The following ARMCX4 variants were observed in gnomAD, a reference collection of about 807,000 sequenced individuals.
ARMCX4 encodes armadillo repeat-containing X-linked protein 4.
ARMCX4 carries 3 observed loss-of-function variants against 34.7 expected under a neutral mutation model. The ratio of observed to expected loss-of-function variants is 0.09; its 90% CI spans 0.04 to 0.22. The LOEUF (loss-of-function observed/expected upper bound fraction) is 0.22, where lower values mean the gene tolerates loss of function less well. ARMCX4 is among the 10% of genes least tolerant of loss of function. ARMCX4 has a pLI of 1.00. For missense variants in ARMCX4, 1,448 were observed against 1,720.8 expected (o/e 0.84, Z 2.81); for synonymous variants, 513 against 632.8 (o/e 0.81, Z 2.84).
rs782065509 is a variant in ARMCX4 at position 101,530,761 on chromosome X, G to A, written c.*1781-883G>A. Among the ~76,000 whole-genome samples, 82 of 111,938 alleles carry A rather than the reference G, an allele frequency of 7.3e-4. 1 individual carries two copies. Among genetic ancestry groups the A allele is most frequent in the African/African-American group, 2.6e-3 (81 of 30,867 alleles). On this transcript the variant is annotated intron_variant and NMD_transcript_variant, in intron 11 of 12. Coordinates refer to the ARMCX4 transcript ENST00000354842. Reference sequence around the variant, plus strand: ...TGAAGGATAGCAAACATAATTTGTTGCCAGTAGACATGCTGTACCAGAAAT... The same window carrying A: ...TGAAGGATAGCAAACATAATTTGTTACCAGTAGACATGCTGTACCAGAAAT...
At chrX:101,486,779 T>G (rs909474791) in intron 2 of ARMCX4, among the ~76,000 whole-genome samples, 1 of 109,366 alleles carries the variant, frequency 9.1e-6, no homozygotes, top group African/African-American at 3.3e-5. Context: ...AATTTAAAAA[T>G]TAGCTGGGTA....
At chrX:101,454,839 G>A (rs1180203726) in intron 4 of ARMCX4, among the ~76,000 whole-genome samples, 1 of 111,318 alleles carries the variant, frequency 9.0e-6, no homozygotes, top group Non-Finnish European at 1.9e-5. Context: ...CAGCATGGTT[G>A]GGCTCTGGTG....
At chrX:101,505,149 C>T (rs955933898) in exon 8 of ARMCX4, 2 of 110,894 alleles carry the variant, frequency 1.8e-5, no homozygotes, top group African/African-American at 6.6e-5. Context: ...TGAATGCAGT[C>T]TCTTTGGAGT....
At chrX:101,448,710 A>G (rs1931793047), downstream of ARMCX4, among the ~76,000 whole-genome samples, 1 of 110,376 alleles carries the variant, frequency 9.1e-6, no homozygotes, top group Admixed American at 9.7e-5. Context: ...CTCCTGCCTC[A>G]GCCTCCCAAG....
chrX:101,501,349 G>A (rs1456936699), intron 7 of ARMCX4, among the ~76,000 whole-genome samples: 7 of 113,044 alleles, frequency 6.2e-5, no homozygotes. Context: ...AGCCCGGGAG[G>A]GTTCTTGGCT....
At chrX:101,488,143 G>T in intron 5 of ARMCX4, 44 bp downstream of exon 5, 1 of 546,445 alleles carries the variant, frequency 1.8e-6, no homozygotes, top group Non-Finnish European at 2.6e-6. Context: ...ACCAGAGTAG[G>T]TCCAGTAGAA....
intron 2 of ARMCX4, among the ~76,000 whole-genome samples, chrX:101,432,828 G>A (rs1369420383): frequency 3.0e-5 from 3 of 99,358 alleles, no homozygotes; most frequent in South Asian, 8.4e-4. Flanking sequence ...ATGTATATAC[G>A]TGTATATATG....
intron 2 of ARMCX4, among the ~76,000 whole-genome samples, chrX:101,437,196 A>T (rs1468401000): frequency 4.5e-5 from 5 of 111,756 alleles, no homozygotes; most frequent in African/African-American, 1.6e-4. Flanking sequence ...TTTTCTACTG[A>T]TTGGAATAGT....
At chrX:101,504,324 A>G (rs1369704099) in intron 7 of ARMCX4, among the ~76,000 whole-genome samples, 1 of 111,611 alleles carries the variant, frequency 9.0e-6, no homozygotes, top group Non-Finnish European at 1.9e-5. Flanking sequence ...TTCTGTGAAG[A>G]AAGTCATTGG....
At chrX:101,507,674 G>A (rs1934484447) in intron 8 of ARMCX4, among the ~76,000 whole-genome samples, 1 of 111,789 alleles carries the variant, frequency 8.9e-6, no homozygotes, top group Admixed American at 9.6e-5. Flanking sequence ...ATGAGAAAGA[G>A]TGTATAGTAT....
chrX:101,450,519 G>A (rs1931920205), downstream of ARMCX4, among the ~76,000 whole-genome samples: 1 of 111,727 alleles, frequency 9.0e-6, no homozygotes, highest in Non-Finnish European at 1.9e-5. Flanking sequence ...ATGAGGCAAG[G>A]CCTGGAATCA....
At position 101,488,436 on chromosome X, in the gene ARMCX4, A is replaced by G. The variant is rs899259632; in HGVS notation, c.-146-8A>G. 9.1e-7 allele frequency: 1 copy of G among 1,094,651 alleles called. No homozygotes were observed. Among genetic ancestry groups the G allele is most frequent in the East Asian group, 3.3e-5 (1 of 30,251 alleles). 90.2% of individuals were successfully genotyped at this position (1,094,651 alleles called of 1,213,427 possible). On this transcript the variant is annotated splice_polypyrimidine_tract_variant and splice_region_variant and intron_variant, in intron 5 of 5. Coordinates refer to ENST00000423738, the MANE Select transcript of ARMCX4 (RefSeq NM_001256155.3). ...AAATTTTAGTCCATTTCCTTCCTCC[A>G]CTTCTAGGTCCACCTCCAGAGGCAG...
At chrX:101,467,754 G>A (rs1556002243) in intron 4 of ARMCX4, among the ~76,000 whole-genome samples, 1 of 111,806 alleles carries the variant, frequency 8.9e-6, no homozygotes, top group African/African-American at 3.2e-5. Flanking sequence ...CTAGAAGGAA[G>A]CACTTTCCCT....
chrX:101,494,187 G>C lies in ARMCX4; in HGVS notation c.5598G>C (p.Gly1866=), dbSNP rs782461319. Residue 1866 remains glycine, a synonymous_variant, in exon 6 of 6, where the codon GGG becomes GGC. Transcript: ENST00000423738. The part of the protein sequence containing the change: ...GDATTVESRL[G]AGEEAGVESW... ...CAACCACTGTAGAGTCTAGGCTTGG[G>C]GCTGGGGAAGAGGCTGGTGTAGAGT... 9.3e-5 allele frequency: 107 copies of C among 1,146,111 alleles called. 1 individual carries two copies. The African/African-American group carries it at 1.6e-3, about 17-fold the overall frequency. 94.5% of individuals were successfully genotyped at this position (1,146,111 alleles called of 1,213,427 possible).
At chrX:101,439,705 T>A (rs5951262) in intron 2 of ARMCX4, among the ~76,000 whole-genome samples, 1 of 110,237 alleles carries the variant, frequency 9.1e-6, no homozygotes, top group Non-Finnish European at 1.9e-5. Flanking sequence ...TAAACTTCTC[T>A]TCTCGCTTCA....
chrX:101,479,258 T>C (rs184967349), intron 4 of ARMCX4, among the ~76,000 whole-genome samples: 2 of 105,381 alleles, frequency 1.9e-5, no homozygotes, highest in East Asian at 6.0e-4. Flanking sequence ...CTATGAAATA[T>C]TGGGGAATAC....
intron 11 of ARMCX4, among the ~76,000 whole-genome samples, chrX:101,530,916 A>T (rs1244448777): frequency 8.9e-6 from 1 of 112,315 alleles, no homozygotes; most frequent in Non-Finnish European, 1.9e-5. Context: ...TTTGTTCTTT[A>T]AAAATAGCTG....
intron 3 of ARMCX4, 104 bp from the exon 4 acceptor site, chrX:101,487,504 C>A: frequency 3.1e-6 from 1 of 318,769 alleles, no homozygotes; most frequent in South Asian, 3.3e-5. Context: ...GTATATAGAA[C>A]CTGGGCTCTG....
rs782598047 is a variant in ARMCX4, at chrX:101,510,237, G to A, written c.*1749+559G>A. ...GCTGTCCTGCACTTTGCTTTTTTTA[G>A]GTTGTTTATTTGCTTGTTTTACTTA... On this transcript the variant is annotated intron_variant and NMD_transcript_variant, in intron 10 of 12. Transcript: ENST00000354842. Among the ~76,000 whole-genome samples, 9 of 111,676 alleles carry A rather than the reference G, an allele frequency of 8.1e-5. No individual in the cohort carries two copies. In the South Asian group the frequency reaches 3.3e-3, roughly 41 times the overall value.
Sources: allele counts gnomAD v4.1 joint callset (sites outside exome capture counted in the v4.1 genomes callset), GRCh38; gene constraint gnomAD v4.1.1; transcripts MANE v1.5; gene names NCBI Gene and HGNC (gene_info 2026-07-23, HGNC 2026-07-21).